The following PDE1C variants were observed in gnomAD, a reference collection of about 807,000 sequenced individuals.
The protein encoded by PDE1C is dual specificity calcium/calmodulin-dependent 3',5'-cyclic nucleotide phosphodiesterase 1C.
A neutral mutation model predicts 93.1 loss-of-function variants in PDE1C; 62 were observed. The ratio of observed to expected loss-of-function variants is 0.67; its 90% CI spans 0.54 to 0.82. The LOEUF is 0.82. Among genes scored for constraint, PDE1C ranks in the 40% least tolerant of loss-of-function variants. The pLI, the probability that PDE1C is intolerant of heterozygous loss-of-function variation, is 0.00. For missense variants in PDE1C, 742 were observed against 884.6 expected, an observed-to-expected ratio of 0.84 and a Z score of 2.04; for synonymous variants, 325 against 310.1, an observed-to-expected ratio of 1.05 and a Z score of -0.50.
chr7:31,861,835 C>A (rs1456570186), intron 7 of PDE1C, among the ~76,000 whole-genome samples: 14 of 152,170 alleles, frequency 9.2e-5, no homozygotes, highest in Non-Finnish European at 5.9e-5. Context: ...GGTCACATCA[C>A]TTCCCTGTCT....
At chr7:32,390,437 TAA>T (rs1016841497) in intron 1 of PDE1C, among the ~76,000 whole-genome samples, 1 of 149,606 alleles carries the variant, frequency 6.7e-6, no homozygotes, top group African/African-American at 2.5e-5. Flanking sequence ...GGAATGCTAC[TAA>T]ACACTCTACA....
the PDE1C span, among the ~76,000 whole-genome samples, chr7:31,742,877 C>T: frequency 4.6e-5 from 7 of 152,326 alleles, no homozygotes; most frequent in East Asian, 7.7e-4. Context: ...GGTCCCTCTT[C>T]ACCTTCCCCA....
In PDE1C at chr7:32,218,146, G is replaced by A. The variant is rs114210591; in HGVS notation, c.86-8607C>T. ...ATCAAGTCAGAAGCCTGCTCCTTAC[G>A]GGAACAGATCTCAGCAATCCAGTTG... On this transcript the variant is annotated intron_variant, in intron 1 of 18. Coordinates refer to the PDE1C transcript ENST00000396193. 1.3e-3 allele frequency among the ~76,000 whole-genome samples: 194 copies of A among 152,210 alleles called. 1 individual carries two copies. Among genetic ancestry groups the A allele is most frequent in the African/African-American group, 4.1e-3 (172 of 41,526 alleles).
the PDE1C span, among the ~76,000 whole-genome samples, chr7:31,622,900 A>G: frequency 8.6e-5 from 13 of 152,030 alleles, no homozygotes; most frequent in South Asian, 4.1e-4. Context: ...TCAAATAGAC[A>G]CAATAAAAAA....
In PDE1C at chr7:31,994,491, C is replaced by A. The variant is rs1242523866; in HGVS notation, c.128+57063G>T. 2.6e-5 allele frequency among the ~76,000 whole-genome samples: 4 copies of A among 152,174 alleles called. No individual in the cohort carries two copies. The South Asian group carries it at 8.3e-4, about 32-fold the overall frequency. ...TCTCAGTTTTCTTATTTGATAAGTG[C>A]AAGATTTTAAATATGCCCTGCCCAC... On this transcript the variant is annotated intron_variant, in intron 2 of 17. Transcript: ENST00000396191.
intron 2 of PDE1C, among the ~76,000 whole-genome samples, chr7:32,191,924 G>A (rs900993027): frequency 3.9e-5 from 6 of 152,002 alleles, no homozygotes; most frequent in African/African-American, 9.7e-5. Context: ...TCTCATTGTG[G>A]TTTTAATTTG....
chr7:31,989,107 A>G (rs1783834430), intron 2 of PDE1C, among the ~76,000 whole-genome samples: 1 of 141,702 alleles, frequency 7.1e-6, no homozygotes, highest in Non-Finnish European at 1.5e-5. Context: ...AGAAAGAAAG[A>G]GAAAGAGAAA....
chr7:32,165,379 C>T (rs1395802751), intron 3 of PDE1C, among the ~76,000 whole-genome samples: 1 of 152,086 alleles, frequency 6.6e-6, no homozygotes, highest in Non-Finnish European at 1.5e-5. Flanking sequence ...TAAAACAGGC[C>T]AGAACAGGTG....
At chr7:31,805,595 G>A (rs959808460) in intron 16 of PDE1C, among the ~76,000 whole-genome samples, 1 of 149,818 alleles carries the variant, frequency 6.7e-6, no homozygotes, top group Non-Finnish European at 1.5e-5. Flanking sequence ...CTGTCTGGAA[G>A]TACTCTCAAT....
At chr7:31,806,911 A>C (rs1178114706) in intron 16 of PDE1C, among the ~76,000 whole-genome samples, 1 of 151,956 alleles carries the variant, frequency 6.6e-6, no homozygotes, top group Non-Finnish European at 1.5e-5. Context: ...TAGTTTTAAA[A>C]ACAATCAATA....
chr7:31,784,065 C>T (rs1162191195), intron 16 of PDE1C: 1 of 152,120 alleles, frequency 6.6e-6, no homozygotes, highest in Non-Finnish European at 1.5e-5. Context: ...TTGCCTCTCT[C>T]TTTTGAGTCT....
At chr7:31,918,376 A>G (rs914626258) in intron 2 of PDE1C, among the ~76,000 whole-genome samples, 1 of 152,214 alleles carries the variant, frequency 6.6e-6, no homozygotes, top group Non-Finnish European at 1.5e-5. Flanking sequence ...GTGTGTAGGT[A>G]TATGTCACGC....
intron 2 of PDE1C, among the ~76,000 whole-genome samples, chr7:31,933,125 A>G (rs964446802): frequency 2.6e-5 from 4 of 152,108 alleles, no homozygotes; most frequent in Admixed American, 2.0e-4. Context: ...TACAGGGCTT[A>G]AAACCTAGAT....
At chr7:31,745,227 T>G in the PDE1C span, among the ~76,000 whole-genome samples, 5 of 152,190 alleles carry the variant, frequency 3.3e-5, no homozygotes, top group African/African-American at 1.2e-4. Context: ...CTAAGCCTGG[T>G]GAGAAAAGTT....
At chr7:31,864,904 A>G in intron 7 of PDE1C, 38 bp downstream of exon 7, 1 of 1,599,948 alleles carries the variant, frequency 6.3e-7, no homozygotes, top group Non-Finnish European at 8.6e-7. Flanking sequence ...TCATCCTTAC[A>G]TCTTTTGGGG....
intron 6 of PDE1C, among the ~76,000 whole-genome samples, chr7:31,866,345 T>G (rs1372358088): frequency 6.6e-6 from 1 of 152,194 alleles, no homozygotes; most frequent in African/African-American, 2.4e-5. Context: ...AGAGATGAAT[T>G]CATTACCATT....
rs1037558401 is a variant in PDE1C, at chr7:31,965,070, C to T, written c.129-84210G>A. Among the ~76,000 whole-genome samples the T allele has an allele frequency of 7.9e-5, 12 of 152,270 alleles. No homozygotes were observed. The East Asian group carries it at 9.7e-4, about 12-fold the overall frequency. On this transcript the variant is annotated intron_variant, in intron 2 of 17. Coordinates refer to ENST00000396191, the MANE Select transcript of PDE1C (RefSeq NM_001191057.4). ...GAGTGCCTCTCCTCCTCCAAAGGAA[C>T]GCAGCTCCTCACCAGCAACGGAACA...
At chr7:32,288,163 A>C (rs979906989) in intron 1 of PDE1C, among the ~76,000 whole-genome samples, 5 of 152,172 alleles carry the variant, frequency 3.3e-5, no homozygotes, top group Admixed American at 2.6e-4. Context: ...TAAAAAAACA[A>C]AATGTAGAAA....
the PDE1C span, among the ~76,000 whole-genome samples, chr7:31,617,090 G>C: frequency 2.0e-5 from 3 of 152,334 alleles, no homozygotes; most frequent in East Asian, 5.8e-4. Context: ...AAAGATGGTT[G>C]CACTTCAGTG....
Sources: allele counts gnomAD v4.1 joint callset (sites outside exome capture counted in the v4.1 genomes callset), GRCh38; gene constraint gnomAD v4.1.1; transcripts MANE v1.5; gene names NCBI Gene and HGNC (gene_info 2026-07-23, HGNC 2026-07-21).